The following MRTFB variants were observed in gnomAD, a reference collection of about 807,000 sequenced individuals.
MRTFB encodes myocardin related transcription factor B.
MRTFB carries 29 observed loss-of-function variants against 104.2 expected under a neutral mutation model. The observed-to-expected ratio is 0.28, with a 90% CI of 0.21 to 0.38. The LOEUF (loss-of-function observed/expected upper bound fraction) is 0.38, where lower values mean the gene tolerates loss of function less well. Ranked by LOEUF, MRTFB falls within the 10% of genes least tolerant of loss-of-function variation. MRTFB has a pLI of 1.00. For synonymous variants in MRTFB, 535 were observed against 519.5 expected (o/e 1.03, Z -0.41); for missense variants, 1,270 against 1,341.6 (o/e 0.95, Z 0.83).
At chr16:14,084,198 A>G (rs928205319) in intron 2 of MRTFB, among the ~76,000 whole-genome samples, 3 of 152,306 alleles carry the variant, frequency 2.0e-5, no homozygotes, top group Admixed American at 6.5e-5. Flanking sequence ...GTTTTCCTCC[A>G]TAGAGAACTC....
intron 3 of MRTFB, chr16:14,150,993 TA>T (rs2038587090): frequency 6.6e-6 from 1 of 152,218 alleles, no homozygotes; most frequent in African/African-American, 2.4e-5. Context: ...TTTTTACTTC[TA>T]TGTGCAATTT....
Position 14,251,871 on chromosome 16 carries a change from A to C in MRTFB, c.2413A>C (p.Asn805His). ...QPQQVRKVFTNSASSNTVLPY... is the reference protein window; with the variant it reads ...QPQQVRKVFTHSASSNTVLPY... ...CATTTATTCATTACAGGTTTTCACA[A>C]ACTCAGCATCATCAAATACAGTTCT... The change falls in exon 14 of 17, where the codon AAC (asparagine) becomes CAC (histidine). Residue 805 changes from asparagine to histidine, a missense_variant. By Grantham distance (68) the Asn-to-His change is moderately conservative (BLOSUM62 1). Coordinates refer to ENST00000571589, the MANE Select transcript of MRTFB (RefSeq NM_001308142.2). 1 of 1,613,906 alleles carries C rather than the reference A, an allele frequency of 6.2e-7. No homozygotes were observed. Among genetic ancestry groups the C allele is most frequent in the Non-Finnish European group, 8.5e-7 (1 of 1,179,946 alleles).
chr16:14,140,870 T>TGGA, intron 3 of MRTFB, 110 bp downstream of exon 3: 1 of 1,226,374 alleles, frequency 8.2e-7, no homozygotes, highest in Non-Finnish European at 1.2e-6. Flanking sequence ...CAGTCTGTCA[T>TGGA]GGAGGAGAAC....
chr16:14,199,640 T>C lies in MRTFB; in HGVS notation c.155-10603T>C, dbSNP rs139105450. Among the ~76,000 whole-genome samples the C allele has an allele frequency of 2.5e-3, 384 of 152,368 alleles. 1 individual carries two copies. The highest frequency in any genetic ancestry group is 8.8e-3 in the African/African-American group (364 of 41,586). ...TGTCCACTCCCTTGCCATACACTGTTGATTTGATTCTAAATGTATCTCAAA... is the reference window on the plus strand; with the variant it reads ...TGTCCACTCCCTTGCCATACACTGTCGATTTGATTCTAAATGTATCTCAAA... On this transcript the variant is annotated intron_variant, in intron 3 of 16. Transcript: ENST00000571589.
the MRTFB span, among the ~76,000 whole-genome samples, chr16:13,995,653 G>A: frequency 6.6e-6 from 1 of 152,212 alleles, no homozygotes; most frequent in Admixed American, 6.5e-5. Flanking sequence ...TCCACAGGCT[G>A]TGCATGAAGC....
chr16:14,003,320 C>A, the MRTFB span, among the ~76,000 whole-genome samples: 1 of 152,194 alleles, frequency 6.6e-6, no homozygotes, highest in South Asian at 2.1e-4. Flanking sequence ...CCTGTCACTT[C>A]TCTAAATTTT....
intron 3 of MRTFB, chr16:14,141,274 A>AAAATGAAT (rs1317760012): frequency 6.5e-6 from 1 of 152,770 alleles, no homozygotes; most frequent in African/African-American, 2.4e-5. Context: ...CTTTGTCTAC[A>AAAATGAAT]AAATGAATAT....
chr16:14,061,275 C>A, the MRTFB span, among the ~76,000 whole-genome samples: 11 of 152,332 alleles, frequency 7.2e-5, no homozygotes, highest in East Asian at 2.1e-3. Context: ...GCCAGAGACA[C>A]AGAGCTCTGG....
the MRTFB span, among the ~76,000 whole-genome samples, chr16:14,053,707 G>C: frequency 0.026 from 3,844 of 150,014 alleles, 160 homozygotes; most frequent in African/African-American, 0.09. Flanking sequence ...TCCAGCCTGA[G>C]TGACAGAGCA....
At chr16:14,201,070 G>A (rs373286707) in intron 3 of MRTFB, 1 of 1,453,524 alleles carries the variant, frequency 6.9e-7, no homozygotes, top group East Asian at 2.3e-5. Context: ...TTGCAACGAG[G>A]AGTGTTGGCT....
the MRTFB span, among the ~76,000 whole-genome samples, chr16:14,005,247 C>T: frequency 5.9e-5 from 9 of 152,318 alleles, no homozygotes; most frequent in East Asian, 9.6e-4. Flanking sequence ...TCTTCAGAAG[C>T]CTTTGGTTCC....
intron 1 of MRTFB, among the ~76,000 whole-genome samples, chr16:14,072,372 T>C (rs1218056361): frequency 6.6e-6 from 1 of 152,150 alleles, no homozygotes; most frequent in Non-Finnish European, 1.5e-5. Flanking sequence ...ACCATTCACA[T>C]CTAGGACATA....
intron 2 of MRTFB, among the ~76,000 whole-genome samples, chr16:14,085,032 C>T (rs551583463): frequency 2.5e-4 from 38 of 152,256 alleles, no homozygotes; most frequent in South Asian, 8.3e-4. Flanking sequence ...ATAATCCCAG[C>T]TACTCAGGAG....
intron 10 of MRTFB, among the ~76,000 whole-genome samples, chr16:14,244,988 G>T (rs2042950297): frequency 6.6e-6 from 1 of 152,136 alleles, no homozygotes; most frequent in Non-Finnish European, 1.5e-5. Flanking sequence ...TTCACATGTA[G>T]ATTTTGGGAA....
intron 12 of MRTFB, 30 bp downstream of exon 12, chr16:14,247,537 C>T (rs987577424): frequency 6.6e-7 from 1 of 1,517,018 alleles, no homozygotes; most frequent in Admixed American, 2.0e-5. Flanking sequence ...ACTACTTTGC[C>T]TTACAGCATG....
intron 3 of MRTFB, among the ~76,000 whole-genome samples, chr16:14,156,705 G>A (rs1197368763): frequency 6.6e-6 from 1 of 152,042 alleles, no homozygotes; most frequent in Non-Finnish European, 1.5e-5. Context: ...AATTAATTGT[G>A]TATTATTTTC....
At chr16:14,229,047 G>C (rs2042142621) in intron 8 of MRTFB, among the ~76,000 whole-genome samples, 1 of 152,094 alleles carries the variant, frequency 6.6e-6, no homozygotes, top group Admixed American at 6.6e-5. Context: ...ACTTAAAAAT[G>C]GTTAAATAGT....
chr16:14,257,387 A>G (rs890199189), intron 15 of MRTFB, among the ~76,000 whole-genome samples: 1 of 152,226 alleles, frequency 6.6e-6, no homozygotes. Flanking sequence ...GTTTCCATAC[A>G]ATGCAATGCT....
intron 12 of MRTFB, chr16:14,247,742 A>C: frequency 1.9e-6 from 1 of 538,668 alleles, no homozygotes; most frequent in East Asian, 3.1e-5. Flanking sequence ...CCTTGAATGA[A>C]CACAGTATCA....
Sources: allele counts gnomAD v4.1 joint callset (sites outside exome capture counted in the v4.1 genomes callset), GRCh38; gene constraint gnomAD v4.1.1; transcripts MANE v1.5; gene names NCBI Gene and HGNC (gene_info 2026-07-23, HGNC 2026-07-21).